PRKN: variants seen among roughly 807,000 people sequenced by gnomAD.
The protein encoded by PRKN is parkin RBR E3 ubiquitin protein ligase, also known as E3 ubiquitin-protein ligase parkin.
Under a neutral mutation model 59.5 loss-of-function variants are expected in PRKN, and 56 were observed. The ratio of observed to expected loss-of-function variants is 0.94; its 90% CI spans 0.76 to 1.18. PRKN has a LOEUF of 1.18. Ranked by LOEUF, PRKN falls within the 50% of genes most tolerant of loss-of-function variation. PRKN has a pLI of 0.00. For synonymous variants in PRKN, 250 were observed against 222.1 expected, an observed-to-expected ratio of 1.13 and a Z score of -1.12; for missense variants, 657 against 596.4, an observed-to-expected ratio of 1.10 and a Z score of -1.06.
chr6:162,333,159 G>C (rs1203706834), intron 2 of PRKN, among the ~76,000 whole-genome samples: 1 of 151,516 alleles, frequency 6.6e-6, no homozygotes, highest in East Asian at 1.9e-4. Context: ...TGTGAAAAGG[G>C]ACAAGTTACT....
chr6:161,460,890 C>T lies in PRKN; in HGVS notation c.1084-74013G>A, dbSNP rs181622512. Among the ~76,000 whole-genome samples the T allele has an allele frequency of 1.5e-3, 234 of 151,874 alleles. 1 individual carries two copies. The highest frequency in any genetic ancestry group is 1.9e-3 in the Non-Finnish European group (132 of 67,900). On this transcript the variant is annotated intron_variant, in intron 9 of 11. Coordinates refer to ENST00000366898, the MANE Select transcript of PRKN (RefSeq NM_004562.3). This position sits in a 1 kb window ranked among gnomAD's most constrained non-coding sequence, Gnocchi z 5.0. ...TCGGCCTCCCAAGTAGCTGGGACTA[C>T]AGGTACGCACCACCACGCCCAGCTA...
intron 9 of PRKN, among the ~76,000 whole-genome samples, chr6:161,517,851 G>T (rs1778673596): frequency 1.3e-5 from 2 of 150,238 alleles, no homozygotes; most frequent in African/African-American, 4.9e-5. Flanking sequence ...CCTGGTTTTG[G>T]TACTGTACTC....
chr6:162,026,760 A>T (rs1336998391), intron 5 of PRKN, among the ~76,000 whole-genome samples: 1 of 152,184 alleles, frequency 6.6e-6, no homozygotes, highest in Non-Finnish European at 1.5e-5. Context: ...AACTGTGTAC[A>T]TTCAACAAAC....
intron 7 of PRKN, among the ~76,000 whole-genome samples, chr6:161,772,870 C>G (rs572095908): frequency 6.6e-6 from 1 of 152,028 alleles, no homozygotes; most frequent in Non-Finnish European, 1.5e-5. Context: ...ATAATTTGCA[C>G]ATATATTCAG....
chr6:161,742,483 T>G (rs757664065), intron 7 of PRKN, among the ~76,000 whole-genome samples: 4 of 152,186 alleles, frequency 2.6e-5, no homozygotes, highest in Non-Finnish European at 4.4e-5. Flanking sequence ...ACTGGAATAT[T>G]TGAGAATCTT....
At chr6:162,239,620 C>T (rs1778901145) in intron 3 of PRKN, among the ~76,000 whole-genome samples, 2 of 151,796 alleles carry the variant, frequency 1.3e-5, no homozygotes, top group Non-Finnish European at 2.9e-5. Context: ...AAGGAAAGAA[C>T]CCAGAACAAA....
intron 9 of PRKN, among the ~76,000 whole-genome samples, chr6:161,534,827 T>C (rs1377236335): frequency 1.3e-5 from 2 of 152,222 alleles, no homozygotes; most frequent in Non-Finnish European, 2.9e-5. Flanking sequence ...AGAAAGAATA[T>C]ACTGAATTTT....
At chr6:162,473,165 G>GA in intron 1 of PRKN, among the ~76,000 whole-genome samples, 1 of 152,154 alleles carries the variant, frequency 6.6e-6, no homozygotes, top group Non-Finnish European at 1.5e-5. Context: ...TATCTACTCT[G>GA]AAGTCATTTT....
chr6:161,811,780 G>A (rs981434580), intron 6 of PRKN, among the ~76,000 whole-genome samples: 7 of 151,862 alleles, frequency 4.6e-5, no homozygotes, highest in East Asian at 1.9e-4. Flanking sequence ...AAAATTAGCC[G>A]GGTGTGGTGG....
chr6:162,392,169 C>T (rs954028267), intron 2 of PRKN, among the ~76,000 whole-genome samples: 3 of 151,872 alleles, frequency 2.0e-5, no homozygotes, highest in Admixed American at 2.0e-4. Context: ...TTTCTTGCAT[C>T]TGCTGCTTGC....
At chr6:161,990,477 A>T (rs1012811303) in intron 5 of PRKN, among the ~76,000 whole-genome samples, 3 of 152,260 alleles carry the variant, frequency 2.0e-5, no homozygotes, top group Admixed American at 2.0e-4. Context: ...ATGAGATATG[A>T]TAGAACACAA....
At chr6:162,513,072 T>C (rs1046006684) in intron 1 of PRKN, among the ~76,000 whole-genome samples, 6 of 152,138 alleles carry the variant, frequency 3.9e-5, no homozygotes, top group African/African-American at 1.4e-4. Flanking sequence ...AGATGAAGAA[T>C]GCTTCTCAGG....
chr6:162,692,256 A>G (rs1302135639), intron 1 of PRKN, among the ~76,000 whole-genome samples: 1 of 152,126 alleles, frequency 6.6e-6, no homozygotes, highest in Non-Finnish European at 1.5e-5. Context: ...CTTGTGCAGT[A>G]AAGGGTTAAC....
rs1787454096 is a variant in PRKN, at chr6:161,410,090, C to T, written c.1084-23213G>A. Among the ~76,000 whole-genome samples, 1 of 151,826 alleles carries T rather than the reference C, an allele frequency of 6.6e-6. No homozygotes were observed. Among genetic ancestry groups the T allele is most frequent in the African/African-American group, 2.4e-5 (1 of 41,270 alleles). On this transcript the variant is annotated intron_variant, in intron 9 of 11. Transcript: ENST00000366898. This position sits in a 1 kb window ranked among gnomAD's most constrained non-coding sequence, Gnocchi z 5.3. Reference sequence around the variant, plus strand: ...AGGCTCTGGGCAGCCCGTGCATCTGCTGGGTCAGCGGTCTGGCACTTTTTT... The same window carrying T: ...AGGCTCTGGGCAGCCCGTGCATCTGTTGGGTCAGCGGTCTGGCACTTTTTT...
In PRKN at chr6:161,350,068, G is replaced by A. The variant is rs774913629; in HGVS notation, c.*31C>T. The A allele has an allele frequency of 7.4e-7, 1 of 1,352,226 alleles. No individual in the cohort carries two copies. 83.8% of individuals were successfully genotyped at this position (1,352,226 alleles called of 1,614,324 possible). On this transcript the variant is annotated 3_prime_UTR_variant, in exon 12 of 12. Coordinates refer to ENST00000366898, the MANE Select transcript of PRKN (RefSeq NM_004562.3). ...GTAGACACTGGGTATGCTCCCCCAG[G>A]ATGTGGCGATGGGGCGCCCGGCCGC...
Position 162,167,728 on chromosome 6 carries a change from T to C in PRKN, c.534+33403A>G, listed in dbSNP as rs545668516. On this transcript the variant is annotated intron_variant, in intron 4 of 11. Coordinates refer to ENST00000366898, the MANE Select transcript of PRKN (RefSeq NM_004562.3). Reference sequence around the variant, plus strand: ...TCAGGGATGGGAAAAATTTGACCAGTGTTTGTGCAAATTTGGGGAAAAAAA... The same window carrying C: ...TCAGGGATGGGAAAAATTTGACCAGCGTTTGTGCAAATTTGGGGAAAAAAA... Among the ~76,000 whole-genome samples, 406 of 151,648 alleles carry C rather than the reference T, an allele frequency of 2.7e-3. 4 individuals carry two copies. In the Middle Eastern group the frequency reaches 0.031, roughly 11 times the overall value.
chr6:161,360,192 T>C lies in PRKN; in HGVS notation c.1181A>G (p.Asp394Gly), dbSNP rs1435831243. 3 of 1,613,868 alleles carry C rather than the reference T, an allele frequency of 1.9e-6. No individual in the cohort carries two copies. The highest frequency in any genetic ancestry group is 1.3e-5 in the African/African-American group (1 of 75,064). ...ACGAGCCTGCTCGGCGGCTCTTTCA[T>C]CGACTCTGTAGGCCTGGGGAAACAA... ...SGTTTQAYRV[D>G]ERAAEQARWE... Residue 394 changes from aspartate (D) to glycine (G), a missense_variant, in exon 11 of 12, where the codon GAT (aspartate) becomes GGT (glycine). Physicochemically the swap from Asp to Gly is moderately conservative, Grantham distance 94. Transcript: ENST00000366898. This position sits in a 1 kb window ranked among gnomAD's most constrained non-coding sequence, Gnocchi z 5.1.
In PRKN at chr6:162,188,795, T is replaced by A. The variant is rs984434915; in HGVS notation, c.534+12336A>T. On this transcript the variant is annotated intron_variant, in intron 4 of 11. Transcript: ENST00000366898. ...TAGATTTCGTTTTTTTTTTTTTTTT[T>A]AAATAACAAAACTAGAAGAATGGGT... Among the ~76,000 whole-genome samples the A allele has an allele frequency of 5.9e-4, 89 of 151,132 alleles. 1 individual carries two copies. The highest frequency in any genetic ancestry group is 1.8e-3 in the African/African-American group (73 of 40,916).
At chr6:162,515,624 G>A (rs939438544) in intron 1 of PRKN, among the ~76,000 whole-genome samples, 8 of 152,132 alleles carry the variant, frequency 5.3e-5, no homozygotes, top group African/African-American at 1.9e-4. Context: ...AAAAGCAACA[G>A]TCTTTGAAAT....
Sources: gnomAD v4.1 joint callset for allele counts (sites outside exome capture counted in the v4.1 genomes callset) on GRCh38, gnomAD v4.1.1 for gene constraint, Gnocchi (gnomAD v3.1) non-coding constraint, MANE v1.5 for transcripts, NCBI Gene and HGNC (gene_info 2026-07-23, HGNC 2026-07-21) for gene names.